Variants in KCNQ3 observed in about 807,000 individuals in gnomAD.
The protein encoded by KCNQ3 is potassium voltage-gated channel subfamily KQT member 3.
In KCNQ3, 30 loss-of-function variants were observed where a neutral mutation model predicts 92.5. That is an observed-to-expected ratio of 0.32 (90% CI 0.24 to 0.44). The LOEUF (loss-of-function observed/expected upper bound fraction) is 0.44. KCNQ3 is among the 20% of genes least tolerant of loss of function. The pLI is 1.00. For synonymous variants in KCNQ3, 450 were observed against 468.8 expected (o/e 0.96, Z 0.52); for missense variants, 913 against 1,140.3 (o/e 0.80, Z 2.87).
At chr8:132,261,057 C>A (rs13257492) in intron 1 of KCNQ3, among the ~76,000 whole-genome samples, 66,492 of 151,978 alleles carry the variant, frequency 0.44, 16,875 homozygotes, top group East Asian at 0.69. Context: ...AGAAAGAAAC[C>A]CCATACCAAT....
chr8:132,273,842 T>C (rs939376207), intron 1 of KCNQ3, among the ~76,000 whole-genome samples: 2 of 152,160 alleles, frequency 1.3e-5, no homozygotes, highest in Non-Finnish European at 2.9e-5. Context: ...TGCTAAAACA[T>C]AACAAAAATC....
chr8:132,313,874 T>C (rs918986983), intron 1 of KCNQ3, among the ~76,000 whole-genome samples: 2 of 152,228 alleles, frequency 1.3e-5, no homozygotes. Context: ...AACAGGCCCA[T>C]GCACTGGTTA....
At chr8:132,187,944 G>A (rs1827053185) in intron 1 of KCNQ3, among the ~76,000 whole-genome samples, 1 of 151,346 alleles carries the variant, frequency 6.6e-6, no homozygotes, top group Non-Finnish European at 1.5e-5. Flanking sequence ...TGGTGGTGGT[G>A]GTGGTGGTTG....
chr8:132,245,134 T>A (rs1815125227), intron 1 of KCNQ3, among the ~76,000 whole-genome samples: 1 of 152,160 alleles, frequency 6.6e-6, no homozygotes, highest in Non-Finnish European at 1.5e-5. Context: ...AGAACTGAGT[T>A]TCCTCTGTGA....
chr8:132,345,103 T>C (rs1162930172), intron 1 of KCNQ3, among the ~76,000 whole-genome samples: 2 of 152,276 alleles, frequency 1.3e-5, no homozygotes, highest in African/African-American at 4.8e-5. Context: ...AGTGAATCCT[T>C]GCTCCTCTGG....
chr8:132,323,916 C>T (rs1817966086), intron 1 of KCNQ3, among the ~76,000 whole-genome samples: 1 of 152,204 alleles, frequency 6.6e-6, no homozygotes, highest in Non-Finnish European at 1.5e-5. Context: ...AGCACGCGTT[C>T]TGACCTTGGC....
intron 1 of KCNQ3, among the ~76,000 whole-genome samples, chr8:132,219,665 T>C (rs1232783553): frequency 1.3e-5 from 2 of 152,214 alleles, no homozygotes; most frequent in Non-Finnish European, 1.5e-5. Context: ...CTTTGAACTA[T>C]TTAAATATAA....
intron 5 of KCNQ3, among the ~76,000 whole-genome samples, chr8:132,174,707 T>C (rs1826489072): frequency 6.6e-6 from 1 of 152,216 alleles, no homozygotes; most frequent in Admixed American, 6.5e-5. Context: ...TGTATATATG[T>C]GTGTATGTCT....
At chr8:132,203,751 C>G (rs1283640653) in intron 1 of KCNQ3, among the ~76,000 whole-genome samples, 1 of 152,124 alleles carries the variant, frequency 6.6e-6, no homozygotes, top group Non-Finnish European at 1.5e-5. Context: ...GCTGTGAGAA[C>G]TAAATATGCC....
At chr8:132,331,449 C>T (rs529684804) in intron 1 of KCNQ3, among the ~76,000 whole-genome samples, 1 of 152,254 alleles carries the variant, frequency 6.6e-6, no homozygotes, top group Admixed American at 6.5e-5. Context: ...ACCCGTGGGG[C>T]CTCTGGTTTG....
At chr8:132,355,380 A>G (rs1021092544) in intron 1 of KCNQ3, among the ~76,000 whole-genome samples, 1 of 151,974 alleles carries the variant, frequency 6.6e-6, no homozygotes, top group African/African-American at 2.4e-5. Flanking sequence ...CTCCAGTCCA[A>G]GAGAAGCTGT....
intron 1 of KCNQ3, among the ~76,000 whole-genome samples, chr8:132,346,010 ATGATGATGG>A (rs541177391): frequency 1.3e-4 from 20 of 151,644 alleles, no homozygotes; most frequent in Non-Finnish European, 2.5e-4. Flanking sequence ...GATGACAATG[ATGATGATGG>A]TGATGATGAT....
intron 1 of KCNQ3, among the ~76,000 whole-genome samples, chr8:132,204,921 T>G (rs1813608837): frequency 6.6e-6 from 1 of 152,152 alleles, no homozygotes; most frequent in Non-Finnish European, 1.5e-5. Context: ...TCTGTTTTCT[T>G]CCTTAATTTT....
At chr8:132,456,676 T>C (rs1001969823) in intron 1 of KCNQ3, among the ~76,000 whole-genome samples, 5 of 152,050 alleles carry the variant, frequency 3.3e-5, no homozygotes, top group African/African-American at 1.2e-4. Context: ...GGTGCGATCT[T>C]GGCAGCTCAC....
intron 8 of KCNQ3, among the ~76,000 whole-genome samples, chr8:132,168,487 C>A (rs1332915424): frequency 6.6e-5 from 10 of 152,060 alleles, no homozygotes; most frequent in Non-Finnish European, 1.2e-4. Context: ...CAGAAAGTGG[C>A]ACCTGCCACC....
At chr8:132,308,104 A>C (rs1817484451) in intron 1 of KCNQ3, among the ~76,000 whole-genome samples, 1 of 152,178 alleles carries the variant, frequency 6.6e-6, no homozygotes, top group Non-Finnish European at 1.5e-5. Context: ...AAGAACAAAA[A>C]AGTAAATGAT....
chr8:132,130,495 C>G (rs1352847486), intron 14 of KCNQ3, among the ~76,000 whole-genome samples: 1 of 152,158 alleles, frequency 6.6e-6, no homozygotes, highest in Non-Finnish European at 1.5e-5. Flanking sequence ...GCCTTGCACA[C>G]CAGGTATTAA....
rs1826982484 is a variant in KCNQ3 at position 132,186,948 on chromosome 8, G to GAC, written c.387-768_387-767insGT. On this transcript the variant is annotated intron_variant, in intron 1 of 14. Transcript: ENST00000388996. ...TGTGTGTGTGTGAGAGAGAGAGAGA[G>GAC]AGAGAGACAGAGAGAGAGAGAGAGA... Among the ~76,000 whole-genome samples, 7 of 112,272 alleles carry GAC rather than the reference G, an allele frequency of 6.2e-5. 1 individual carries two copies. Among genetic ancestry groups the GAC allele is most frequent in the Admixed American group, 1.6e-4 (2 of 12,122 alleles). 73.7% of individuals were successfully genotyped at this position (112,272 alleles called of 152,430 possible). A position where few individuals can be genotyped will look rare whatever the true frequency, so the allele number is the denominator to read the frequency against.
intron 1 of KCNQ3, among the ~76,000 whole-genome samples, chr8:132,346,002 TGAC>T (rs1316909115): frequency 1.3e-5 from 2 of 151,802 alleles, no homozygotes; most frequent in African/African-American, 4.8e-5. Flanking sequence ...ATGGTGATGA[TGAC>T]AATGATGATG....
Sources: gnomAD v4.1 joint callset for allele counts (sites outside exome capture counted in the v4.1 genomes callset) on GRCh38, gnomAD v4.1.1 for gene constraint, MANE v1.5 for transcripts, NCBI Gene and HGNC (gene_info 2026-07-23, HGNC 2026-07-21) for gene names.